Variants in SLCO3A1 observed in about 807,000 individuals in gnomAD.
SLCO3A1 encodes the protein solute carrier organic anion transporter family member 3A1.
Under a neutral mutation model 63.1 loss-of-function variants are expected in SLCO3A1, and 27 were observed. The ratio of observed to expected loss-of-function variants is 0.43; its 90% confidence interval spans 0.32 to 0.59. SLCO3A1 has a LOEUF of 0.59. Among genes scored for constraint, SLCO3A1 ranks in the 20% least tolerant of loss-of-function variants. The probability of loss-of-function intolerance (pLI) is 0.09; values close to 1 mark genes in which losing one functional copy is unlikely to be tolerated. For synonymous variants in SLCO3A1, 473 were observed against 409.9 expected, an observed-to-expected ratio of 1.15 and a Z score of -1.86; for missense variants, 773 against 945.8, an observed-to-expected ratio of 0.82 and a Z score of 2.40.
Position 91,853,837 on chromosome 15 carries a change from G to A in SLCO3A1, c.-72G>A, listed in dbSNP as rs1336978578. 21 of 1,203,220 alleles carry A rather than the reference G, an allele frequency of 1.7e-5. No individual in the cohort carries two copies. In the East Asian group the frequency reaches 3.0e-4, roughly 17 times the overall value. The allele number at this position is 1,203,220 out of a possible 1,614,324, so 74.5% of individuals were successfully genotyped here. ...AGCCTCGAGGCGCGCACCCCCGCCC[G>A]GCAGCGGCCCCGACACCCGGGGCGA... On this transcript the variant is annotated 5_prime_UTR_variant, in exon 1 of 10. Coordinates refer to ENST00000318445, the MANE Select transcript of SLCO3A1 (RefSeq NM_013272.4).
intron 4 of SLCO3A1, among the ~76,000 whole-genome samples, chr15:92,111,695 G>C (rs1727033703): frequency 6.6e-6 from 1 of 152,204 alleles, no homozygotes; most frequent in African/African-American, 2.4e-5. Context: ...AGTTATTTCA[G>C]CAAAGCTCCT....
At chr15:92,128,321 A>G (rs769030243) in intron 6 of SLCO3A1, 30 bp from the exon 7 acceptor site, 2 of 1,613,462 alleles carry the variant, frequency 1.2e-6, no homozygotes, top group African/African-American at 1.3e-5. Context: ...ACCTGTTTCT[A>G]ATGGCTTCCG....
chr15:91,873,569 C>T (rs1897328981), intron 1 of SLCO3A1, among the ~76,000 whole-genome samples: 1 of 150,934 alleles, frequency 6.6e-6, no homozygotes, highest in African/African-American at 2.4e-5. Context: ...CACACACATA[C>T]ATACATACAT....
rs773225146 is a variant in SLCO3A1, at chr15:92,162,775, C to T, written c.1773C>T (p.Leu591=). ...LRLLGFIPPP[L]IFGAGIDSTC... ...TAACAGGCTTCATCCCTCCACCCCT[C>T]ATCTTCGGGGCTGGCATCGACTCCA... The change falls in exon 10 of 10, where the codon CTC becomes CTT. Residue 591 remains leucine, a synonymous_variant. Transcript: ENST00000318445. The T allele has an allele frequency of 1.2e-6, 2 of 1,613,562 alleles. No individual in the cohort carries two copies. The highest frequency in any genetic ancestry group is 2.2e-5 in the South Asian group (2 of 90,980).
intron 1 of SLCO3A1, among the ~76,000 whole-genome samples, chr15:91,861,671 A>G (rs1013362362): frequency 3.9e-5 from 6 of 152,308 alleles, no homozygotes; most frequent in East Asian, 1.9e-4. Flanking sequence ...GTCTTGCTCT[A>G]TCATCCAGGT....
rs142571614 is a variant in SLCO3A1, at chr15:91,883,350, G to C, written c.180+29262G>C. ...TTGCTTTTTCACTCCATCAGCTGAG[G>C]TACCACAGGGGATGCCAGAGACCTG... On this transcript the variant is annotated intron_variant, in intron 1 of 9. Transcript: ENST00000318445. The surrounding 1 kb of genome is among the most constrained non-coding windows in gnomAD (Gnocchi z 4.8). 6.3e-4 allele frequency among the ~76,000 whole-genome samples: 96 copies of C among 152,296 alleles called. No individual in the cohort carries two copies. The highest frequency in any genetic ancestry group is 2.3e-3 in the African/African-American group (94 of 41,546).
intron 2 of SLCO3A1, among the ~76,000 whole-genome samples, chr15:92,002,937 A>C (rs912383546): frequency 1.3e-5 from 2 of 152,180 alleles, no homozygotes; most frequent in Non-Finnish European, 2.9e-5. Flanking sequence ...TTAGTTCAAC[A>C]TCCCAAGCCT....
At chr15:91,873,911 TG>T (rs1897336801) in intron 1 of SLCO3A1, among the ~76,000 whole-genome samples, 1 of 152,020 alleles carries the variant, frequency 6.6e-6, no homozygotes, top group Admixed American at 6.6e-5. Flanking sequence ...TCATTTCCTT[TG>T]TTTTTTTTCT....
At chr15:92,136,991 A>G (rs920583715) in intron 7 of SLCO3A1, among the ~76,000 whole-genome samples, 2 of 134,948 alleles carry the variant, frequency 1.5e-5, no homozygotes, top group Admixed American at 1.5e-4. Context: ...TTTTAATTAT[A>G]CTTTAAGTTT....
chr15:92,080,345 G>A (rs2047328272), intron 2 of SLCO3A1, among the ~76,000 whole-genome samples: 1 of 150,976 alleles, frequency 6.6e-6, no homozygotes, highest in South Asian at 2.1e-4. Context: ...CAGGGTCTCT[G>A]CTTTTCCCGA....
intron 9 of SLCO3A1, among the ~76,000 whole-genome samples, chr15:92,159,157 A>G (rs2048406386): frequency 6.6e-6 from 1 of 152,172 alleles, no homozygotes; most frequent in Admixed American, 6.5e-5. Context: ...TTGAAAGATC[A>G]AGTGACTTTC....
rs375870166 is a variant in SLCO3A1, at chr15:92,163,324, GGA to G, written c.*194_*195del. ...CAGAGCCAGACAGGATTCAGAATAA[GGA>G]GAGAATGACATCGTGCGGCAGGGTC... On this transcript the variant is annotated 3_prime_UTR_variant, in exon 10 of 10. Coordinates refer to ENST00000318445, the MANE Select transcript of SLCO3A1 (RefSeq NM_013272.4). 12 of 1,251,754 alleles carry G rather than the reference GGA, an allele frequency of 9.6e-6. No individual in the cohort carries two copies. In the African/African-American group the frequency reaches 1.9e-4, roughly 19 times the overall value. 77.5% of individuals were successfully genotyped at this position (1,251,754 alleles called of 1,614,324 possible).
intron 2 of SLCO3A1, among the ~76,000 whole-genome samples, chr15:91,960,261 G>A (rs1179328298): frequency 6.6e-6 from 1 of 152,202 alleles, no homozygotes; most frequent in South Asian, 2.1e-4. Context: ...GAGATTACAG[G>A]CGTGAGCCAC....
In SLCO3A1 at chr15:91,860,506, AC is replaced by A. The variant is rs879843540; in HGVS notation, c.180+6420del. ...TATAACCCTGCTCGTTGACATTAGC[AC>A]CAACAAAAGTCCCTCCCAGGGAGCT... On this transcript the variant is annotated intron_variant, in intron 1 of 9. Transcript: ENST00000318445. This position sits in a 1 kb window ranked among gnomAD's most constrained non-coding sequence, Gnocchi z 5.5. 2.6e-5 allele frequency among the ~76,000 whole-genome samples: 4 copies of A among 152,336 alleles called. No individual in the cohort carries two copies. The highest frequency in any genetic ancestry group is 2.6e-4 in the Admixed American group (4 of 15,306).
intron 2 of SLCO3A1, among the ~76,000 whole-genome samples, chr15:91,923,437 C>A (rs1898912828): frequency 6.6e-6 from 1 of 152,182 alleles, no homozygotes; most frequent in African/African-American, 2.4e-5. Context: ...TTCCTGAAGA[C>A]CCCCTCCAGT....
chr15:92,169,581 A>G (rs2048510660), downstream of SLCO3A1, among the ~76,000 whole-genome samples: 1 of 145,684 alleles, frequency 6.9e-6, no homozygotes, highest in Non-Finnish European at 1.5e-5. Flanking sequence ...ATCAGATAGG[A>G]GACTCCTAGT....
intron 2 of SLCO3A1, among the ~76,000 whole-genome samples, chr15:91,979,170 G>T (rs888197970): frequency 6.6e-6 from 1 of 152,176 alleles, no homozygotes; most frequent in Admixed American, 6.5e-5. Context: ...GCCCCAAAAA[G>T]CTTGGGACCA....
intron 9 of SLCO3A1, among the ~76,000 whole-genome samples, chr15:92,155,920 A>G (rs1054137345): frequency 6.6e-6 from 1 of 152,118 alleles, no homozygotes; most frequent in Non-Finnish European, 1.5e-5. Flanking sequence ...AACTCCCCAC[A>G]TACACTGACC....
chr15:92,120,968 A>T (rs1220104491), intron 5 of SLCO3A1, among the ~76,000 whole-genome samples: 1 of 152,216 alleles, frequency 6.6e-6, no homozygotes, highest in East Asian at 1.9e-4. Flanking sequence ...TTAATCAGCC[A>T]CATAAAGTTA....
Sources: allele counts gnomAD v4.1 joint callset (sites outside exome capture counted in the v4.1 genomes callset), GRCh38; gene constraint gnomAD v4.1.1; non-coding constraint Gnocchi (gnomAD v3.1); transcripts MANE v1.5; gene names NCBI Gene and HGNC (gene_info 2026-07-23, HGNC 2026-07-21).